The following FSHR variants were observed in gnomAD, a reference collection of about 807,000 sequenced individuals.
FSHR encodes follicle stimulating hormone receptor.
Under a neutral mutation model 52.1 loss-of-function variants are expected in FSHR, and 46 were observed. That is an observed-to-expected ratio of 0.88 (90% CI 0.70 to 1.13). FSHR has a LOEUF of 1.13. FSHR is among the 50% of genes most tolerant of loss of function. FSHR has a pLI of 0.00. For synonymous variants in FSHR, 399 were observed against 309.6 expected, an observed-to-expected ratio of 1.29 and a Z score of -3.03; for missense variants, 964 against 834.6, an observed-to-expected ratio of 1.16 and a Z score of -1.91.
At chr2:49,005,477 AGAT>A (rs1430549314) in intron 4 of FSHR, among the ~76,000 whole-genome samples, 11 of 152,186 alleles carry the variant, frequency 7.2e-5, no homozygotes, top group Non-Finnish European at 1.6e-4. Flanking sequence ...GACAGCCAGG[AGAT>A]GGCTAATAAT....
chr2:49,131,549 A>T (rs1408755413), intron 1 of FSHR, among the ~76,000 whole-genome samples: 2 of 152,164 alleles, frequency 1.3e-5, no homozygotes, highest in African/African-American at 4.8e-5. Flanking sequence ...TTACGTCACT[A>T]AGTTTCTCTG....
intron 8 of FSHR, among the ~76,000 whole-genome samples, chr2:48,982,445 A>T (rs1407330385): frequency 1.3e-5 from 2 of 152,164 alleles, no homozygotes; most frequent in African/African-American, 2.4e-5. Flanking sequence ...AGGATGATGG[A>T]GAATTGTGCT....
chr2:48,966,229 T>C (rs892486081), intron 9 of FSHR, among the ~76,000 whole-genome samples: 1 of 152,170 alleles, frequency 6.6e-6, no homozygotes, highest in African/African-American at 2.4e-5. Flanking sequence ...ATGATGGTGG[T>C]TACTTATGGA....
rs141930063 is a variant in FSHR at position 48,971,183 on chromosome 2, C to T, written c.669-2300G>A. 2.8e-3 allele frequency among the ~76,000 whole-genome samples: 432 copies of T among 152,322 alleles called. 8 individuals carry two copies. The highest frequency in any genetic ancestry group is 2.9e-4 in the Non-Finnish European group (20 of 68,038). The stretch of plus-strand genomic sequence containing the variant: ...TCCCACATCCATGTTATGCCCTTCT[C>T]TACGCTCTTCTCTGTGTTGCAGGAA... On this transcript the variant is annotated intron_variant, in intron 8 of 9. Transcript: ENST00000406846.
chr2:49,151,495 A>T (rs1401558265), intron 1 of FSHR, among the ~76,000 whole-genome samples: 1 of 152,072 alleles, frequency 6.6e-6, no homozygotes, highest in Non-Finnish European at 1.5e-5. Context: ...AGATCATAGG[A>T]AATTAGCAAT....
At position 48,968,787 on chromosome 2, in the gene FSHR, C is replaced by CA; in HGVS notation, c.764dup (p.Pro256AlafsTer32). 1 of 1,614,108 alleles carries CA rather than the reference C, an allele frequency of 6.2e-7. No individual in the cohort carries two copies. Among genetic ancestry groups the CA allele is most frequent in the Non-Finnish European group, 8.5e-7 (1 of 1,180,006 alleles). ...GGGCGACAAGCTTTTCCAGAGTAGG[C>CA]AGCTTTTTTAAGTTGTAAGTCGACC... On this transcript the variant is annotated frameshift_variant, in exon 9 of 10. Coordinates refer to ENST00000406846, the MANE Select transcript of FSHR (RefSeq NM_000145.4). LOFTEE classifies it high-confidence loss of function.
At chr2:49,087,664 T>C (rs539626068) in intron 1 of FSHR, among the ~76,000 whole-genome samples, 4 of 152,150 alleles carry the variant, frequency 2.6e-5, no homozygotes, top group Non-Finnish European at 5.9e-5. Flanking sequence ...AACAGTCCTT[T>C]AAAAATTACA....
At chr2:49,077,932 C>T (rs1322646358) in intron 1 of FSHR, among the ~76,000 whole-genome samples, 1 of 152,198 alleles carries the variant, frequency 6.6e-6, no homozygotes, top group Non-Finnish European at 1.5e-5. Flanking sequence ...TTGTCAAAGC[C>T]ATTCAACAAG....
intron 2 of FSHR, among the ~76,000 whole-genome samples, chr2:49,026,852 C>T (rs922134191): frequency 6.6e-6 from 1 of 152,124 alleles, no homozygotes; most frequent in Non-Finnish European, 1.5e-5. Context: ...TTCCTGTTGA[C>T]CCCCTGAGGT....
At chr2:49,132,695 A>C (rs1448399878) in intron 1 of FSHR, among the ~76,000 whole-genome samples, 1 of 152,092 alleles carries the variant, frequency 6.6e-6, no homozygotes. Flanking sequence ...TCAAGGGCAC[A>C]CCAAGAACTT....
rs796382725 is a variant in FSHR at position 49,090,938 on chromosome 2, T to C, written c.153-22648A>G. Among the ~76,000 whole-genome samples the C allele has an allele frequency of 5.9e-5, 9 of 152,200 alleles. 2 individuals carry two copies. The highest frequency in any genetic ancestry group is 2.2e-4 in the African/African-American group (9 of 41,538). On this transcript the variant is annotated intron_variant, in intron 1 of 9. Transcript: ENST00000406846. ...TTTTTTGGTGAAGTGACTGATTCTT[T>C]CCCATGATTAAAAAAATTTTTTTTC... is the stretch of plus-strand genomic sequence containing the variant.
intron 8 of FSHR, among the ~76,000 whole-genome samples, chr2:48,973,995 G>A (rs1363118948): frequency 6.9e-6 from 1 of 144,290 alleles, no homozygotes; most frequent in East Asian, 1.9e-4. Flanking sequence ...AATCTATTGA[G>A]TAAGTAGTTG....
chr2:49,084,592 C>T (rs185838994), intron 1 of FSHR, among the ~76,000 whole-genome samples: 5,867 of 151,992 alleles, frequency 0.039, 167 homozygotes, highest in Middle Eastern at 0.058. Context: ...ATTGATAGAC[C>T]GCTAGCAAGA....
chr2:48,971,360 T>C (rs1487631106), intron 8 of FSHR, among the ~76,000 whole-genome samples: 3 of 152,230 alleles, frequency 2.0e-5, no homozygotes, highest in Non-Finnish European at 2.9e-5. Context: ...GTCTTCTCTG[T>C]GACTTCAGCT....
In FSHR at chr2:48,983,102, C is replaced by A. The variant is rs1439277448; in HGVS notation, c.589G>T (p.Glu197Ter). Residue 197 changes from glutamate (E) to a stop codon, truncating the protein, a stop_gained, in exon 7 of 10, where the codon GAG becomes TAG. Coordinates refer to ENST00000406846, the MANE Select transcript of FSHR (RefSeq NM_000145.4). LOFTEE classifies it high-confidence loss of function. ...AGAATAGTCAGGGCTACTTACAGCT[C>A]ATCTAGTTGGGTTCCATTGAATGCA... ...NCAFNGTQLD[E>*]LNLSDNNNLE... 35 of 1,613,856 alleles carry A rather than the reference C, an allele frequency of 2.2e-5. No homozygotes were observed. The highest frequency in any genetic ancestry group is 2.9e-5 in the Non-Finnish European group (34 of 1,179,894).
At chr2:49,027,061 G>A (rs1667933221) in intron 2 of FSHR, among the ~76,000 whole-genome samples, 1 of 152,106 alleles carries the variant, frequency 6.6e-6, no homozygotes, top group South Asian at 2.1e-4. Context: ...CACGACCCCT[G>A]CCAACGGCTC....
chr2:49,140,277 T>C (rs1672632878), intron 1 of FSHR, among the ~76,000 whole-genome samples: 1 of 152,058 alleles, frequency 6.6e-6, no homozygotes, highest in South Asian at 2.1e-4. Flanking sequence ...CACACAAATC[T>C]GGTCGTTTGA....
intron 1 of FSHR, among the ~76,000 whole-genome samples, chr2:49,091,223 G>GT (rs923846648): frequency 6.6e-6 from 1 of 151,800 alleles, no homozygotes; most frequent in Non-Finnish European, 1.5e-5. Flanking sequence ...TTTTGTCTAA[G>GT]TTTTTTATAG....
intron 4 of FSHR, among the ~76,000 whole-genome samples, chr2:48,995,164 G>A (rs1675968531): frequency 6.6e-6 from 1 of 152,058 alleles, no homozygotes; most frequent in Admixed American, 6.6e-5. Context: ...ACTGGTCTAT[G>A]TGCCATCCTT....
Sources: allele counts gnomAD v4.1 joint callset (sites outside exome capture counted in the v4.1 genomes callset), GRCh38; gene constraint gnomAD v4.1.1; transcripts MANE v1.5; gene names NCBI Gene and HGNC (gene_info 2026-07-23, HGNC 2026-07-21).